WDR64: variants seen among roughly 807,000 people sequenced by gnomAD.
WDR64 encodes WD repeat domain 64, also known as WD repeat-containing protein 64.
In WDR64, 112 loss-of-function variants were observed where a neutral mutation model predicts 139.3. The observed-to-expected ratio is 0.80, with a 90% CI of 0.69 to 0.94. The LOEUF is 0.94. WDR64 is among the 40% of genes least tolerant of loss of function. WDR64 has a pLI of 0.00. For synonymous variants in WDR64, 444 were observed against 437.7 expected, an observed-to-expected ratio of 1.01 and a Z score of -0.18; for missense variants, 1,206 against 1,293.1, an observed-to-expected ratio of 0.93 and a Z score of 1.03.
At chr1:241,667,797 A>C (rs1666076493) in intron 2 of WDR64, among the ~76,000 whole-genome samples, 1 of 152,226 alleles carries the variant, frequency 6.6e-6, no homozygotes, top group Admixed American at 6.5e-5. Flanking sequence ...TATTAGGAAA[A>C]TGAGAGCCAT....
At chr1:241,719,336 T>C (rs1668517752) in intron 9 of WDR64, among the ~76,000 whole-genome samples, 1 of 152,176 alleles carries the variant, frequency 6.6e-6, no homozygotes, top group Non-Finnish European at 1.5e-5. Context: ...CAACAAGTCC[T>C]GTCCTCAAGG....
At chr1:241,716,139 G>C (rs1409039921) in intron 9 of WDR64, among the ~76,000 whole-genome samples, 1 of 152,066 alleles carries the variant, frequency 6.6e-6, no homozygotes, top group East Asian at 1.9e-4. Context: ...GTTGATTAGT[G>C]ACTCAGCCAA....
At chr1:241,665,037 G>A (rs998954505) in intron 2 of WDR64, among the ~76,000 whole-genome samples, 2 of 151,260 alleles carry the variant, frequency 1.3e-5, no homozygotes, top group African/African-American at 4.9e-5. Flanking sequence ...TCTCTATGAA[G>A]AAGAAGAAGG....
At chr1:241,722,282 G>A (rs1456725110) in intron 9 of WDR64, among the ~76,000 whole-genome samples, 4 of 152,068 alleles carry the variant, frequency 2.6e-5, no homozygotes, top group Non-Finnish European at 4.4e-5. Flanking sequence ...TCATGTGCTG[G>A]CCAGAATTTA....
chr1:241,770,312 C>A, intron 17 of WDR64: 1 of 246,858 alleles, frequency 4.1e-6, no homozygotes. Context: ...CCACCCCACC[C>A]CTTGCCATTT....
At chr1:241,696,657 C>A (rs1440225947) in intron 8 of WDR64, among the ~76,000 whole-genome samples, 1 of 152,088 alleles carries the variant, frequency 6.6e-6, no homozygotes, top group Non-Finnish European at 1.5e-5. Context: ...TGCAAACCGT[C>A]ATGGCACTGG....
intron 6 of WDR64, among the ~76,000 whole-genome samples, chr1:241,680,495 C>G (rs991357396): frequency 2.6e-5 from 4 of 152,180 alleles, no homozygotes; most frequent in Non-Finnish European, 5.9e-5. Context: ...TACCTCTTCT[C>G]CTCATGCTGT....
intron 14 of WDR64, among the ~76,000 whole-genome samples, chr1:241,751,495 G>A (rs543989103): frequency 2.0e-5 from 3 of 152,142 alleles, no homozygotes; most frequent in African/African-American, 7.2e-5. Context: ...CCCCCATCCC[G>A]GCTCCACAAA....
chr1:241,665,571 C>T (rs1316239461), intron 2 of WDR64, among the ~76,000 whole-genome samples: 1 of 152,116 alleles, frequency 6.6e-6, no homozygotes, highest in Non-Finnish European at 1.5e-5. Context: ...TGCAAAGACA[C>T]TCGGAGAATT....
At chr1:241,757,511 T>G (rs780527034) in intron 15 of WDR64, 52 bp downstream of exon 15, 1 of 1,505,790 alleles carries the variant, frequency 6.6e-7, no homozygotes, top group South Asian at 1.3e-5. Context: ...GTTATGGAAA[T>G]TTACAAACAT....
At chr1:241,652,904 G>A (rs1254857240) in intron 1 of WDR64, among the ~76,000 whole-genome samples, 6 of 152,170 alleles carry the variant, frequency 3.9e-5, no homozygotes, top group East Asian at 1.9e-4. Flanking sequence ...ATTAAATGAC[G>A]TCCAGTGTTC....
intron 8 of WDR64, among the ~76,000 whole-genome samples, chr1:241,709,051 T>C (rs989402904): frequency 2.6e-5 from 4 of 152,206 alleles, no homozygotes; most frequent in African/African-American, 9.6e-5. Context: ...GTATCCAGTA[T>C]AGACTCAGAT....
chr1:241,768,805 T>C (rs576041665), intron 16 of WDR64, among the ~76,000 whole-genome samples: 2 of 152,286 alleles, frequency 1.3e-5, no homozygotes, highest in African/African-American at 4.8e-5. Context: ...CAAAGTTCAG[T>C]GTTGACCTTG....
intron 7 of WDR64, 126 bp from the exon 8 acceptor site, chr1:241,687,335 A>G: frequency 9.1e-7 from 1 of 1,100,932 alleles, no homozygotes; most frequent in Admixed American, 2.8e-5. Context: ...GTTATAATGC[A>G]TTGGGCTGTA....
chr1:241,702,247 G>A (rs1462662744), intron 8 of WDR64, among the ~76,000 whole-genome samples: 1 of 152,142 alleles, frequency 6.6e-6, no homozygotes, highest in Admixed American at 6.5e-5. Flanking sequence ...ATTAGAAAGA[G>A]TATAGTTGCC....
Position 241,790,639 on chromosome 1 carries a change from C to T in WDR64, c.2940C>T (p.Pro980=), listed in dbSNP as rs774075617. Residue 980 remains proline (P), a synonymous_variant, in exon 25 of 28, where the codon CCC becomes CCT. Transcript: ENST00000437684. The part of the protein sequence containing the change: ...SVSLLFKRTP[P]KAFEVEQDFK... Reference sequence around the variant, plus strand: ...CTCTACTTTTCAAACGCACACCTCCCAAGGCCTTTGAAGTGGAACAGGATT... The same window carrying T: ...CTCTACTTTTCAAACGCACACCTCCTAAGGCCTTTGAAGTGGAACAGGATT... 3.1e-6 allele frequency: 5 copies of T among 1,612,670 alleles called. No homozygotes were observed. The South Asian group carries it at 3.3e-5, about 11-fold the overall frequency.
intron 8 of WDR64, among the ~76,000 whole-genome samples, chr1:241,693,516 A>T (rs1667379483): frequency 6.6e-6 from 1 of 152,112 alleles, no homozygotes; most frequent in Non-Finnish European, 1.5e-5. Context: ...AGTGTACAAC[A>T]CCAATTGTGA....
At chr1:241,670,223 T>C (rs2148071244) in intron 2 of WDR64, among the ~76,000 whole-genome samples, 1 of 152,334 alleles carries the variant, frequency 6.6e-6, no homozygotes, top group Non-Finnish European at 1.5e-5. Flanking sequence ...AACTCTTTTC[T>C]TCCTCACAAT....
At chr1:241,681,636 T>A (rs1203098734) in intron 6 of WDR64, among the ~76,000 whole-genome samples, 1 of 152,156 alleles carries the variant, frequency 6.6e-6, no homozygotes, top group Non-Finnish European at 1.5e-5. Flanking sequence ...TGGGTAGATA[T>A]CCAGTAGTGG....
Sources: allele counts gnomAD v4.1 joint callset (sites outside exome capture counted in the v4.1 genomes callset), GRCh38; gene constraint gnomAD v4.1.1; transcripts MANE v1.5; gene names NCBI Gene and HGNC (gene_info 2026-07-23, HGNC 2026-07-21).